ADGRL2: variants seen among roughly 807,000 people sequenced by gnomAD.
The protein encoded by ADGRL2 is adhesion G protein-coupled receptor L2, also known as calcium-independent alpha-latrotoxin receptor 2.
A neutral mutation model predicts 157.4 loss-of-function variants in ADGRL2; 44 were observed. The observed-to-expected ratio is 0.28, with a 90% confidence interval of 0.22 to 0.36. The LOEUF (loss-of-function observed/expected upper bound fraction) is 0.36. ADGRL2 is among the 10% of genes least tolerant of loss of function. The pLI, the probability that ADGRL2 is intolerant of heterozygous loss-of-function variation, is 1.00. For missense variants in ADGRL2, 1,510 were observed against 1,768.9 expected, an observed-to-expected ratio of 0.85 and a Z score of 2.63; for synonymous variants, 585 against 624.7, an observed-to-expected ratio of 0.94 and a Z score of 0.95.
At chr1:81,616,419 G>A (rs770691186) in intron 3 of ADGRL2, among the ~76,000 whole-genome samples, 4 of 152,144 alleles carry the variant, frequency 2.6e-5, no homozygotes, top group Non-Finnish European at 5.9e-5. Context: ...CTGGTCACTG[G>A]TTGCCTATTG....
chr1:81,308,828 T>C (rs12123474), intron 1 of ADGRL2, among the ~76,000 whole-genome samples: 31,513 of 152,136 alleles, frequency 0.21, 4,096 homozygotes, highest in Middle Eastern at 0.34. Flanking sequence ...TCAACTCCCT[T>C]GGGTTTCTTT....
At chr1:81,924,792 T>A (rs1310437172) in intron 3 of ADGRL2, among the ~76,000 whole-genome samples, 1 of 152,070 alleles carries the variant, frequency 6.6e-6, no homozygotes, top group Non-Finnish European at 1.5e-5. Flanking sequence ...CTATTTCTAA[T>A]CCATTCTATT....
intron 2 of ADGRL2, among the ~76,000 whole-genome samples, chr1:81,769,145 G>GT (rs943381022): frequency 1.3e-5 from 2 of 152,084 alleles, no homozygotes; most frequent in Admixed American, 6.6e-5. Flanking sequence ...CTAATCTACT[G>GT]TTTTTTATTT....
intron 21 of ADGRL2, 104 bp from the exon 22 acceptor site, chr1:81,986,797 C>A (rs543481236): frequency 8.6e-7 from 1 of 1,156,382 alleles, no homozygotes; most frequent in Non-Finnish European, 1.2e-6. Context: ...TTGTCCACTA[C>A]CCTTGATGAA....
At chr1:81,772,249 CA>C (rs769058340) in intron 2 of ADGRL2, among the ~76,000 whole-genome samples, 1,169 of 95,104 alleles carry the variant, frequency 0.012, 2 homozygotes, top group African/African-American at 0.018. Context: ...GACTCTATCT[CA>C]AAAAAAAAAA....
intron 1 of ADGRL2, among the ~76,000 whole-genome samples, chr1:81,752,678 C>T (rs1488466598): frequency 6.6e-6 from 1 of 152,104 alleles, no homozygotes; most frequent in African/African-American, 2.4e-5. Context: ...TCCTGGCCAC[C>T]ACACCTGGCT....
chr1:81,308,265 C>T (rs958186152), intron 1 of ADGRL2, among the ~76,000 whole-genome samples: 1 of 152,016 alleles, frequency 6.6e-6, no homozygotes, highest in Admixed American at 6.5e-5. Flanking sequence ...TGTAGTTGTC[C>T]GTGAATATCT....
chr1:81,952,162 T>A lies in ADGRL2; in HGVS notation c.1794+20T>A. 1 of 1,570,318 alleles carries A rather than the reference T, an allele frequency of 6.4e-7. No individual in the cohort carries two copies. The highest frequency in any genetic ancestry group is 8.7e-7 in the Non-Finnish European group (1 of 1,153,284). On this transcript the variant is annotated intron_variant, in intron 9 of 23. Transcript: ENST00000686636. ...AACAAGGTAGAGAGAACTCTTCTGT[T>A]ATTTTGAATTAGACACTTGGTATGG...
At chr1:81,761,803 C>G (rs2085890957) in intron 1 of ADGRL2, 1 of 151,944 alleles carries the variant, frequency 6.6e-6, no homozygotes, top group Non-Finnish European at 1.5e-5. Context: ...ATTTTCTTTA[C>G]TTTCCAGGGT....
In ADGRL2 at chr1:81,950,464, T is replaced by C; in HGVS notation, c.1486T>C (p.Cys496Arg). Residue 496 changes from cysteine (C) to arginine (R), a missense_variant, in exon 7 of 24, where the codon TGC (cysteine) becomes CGC (arginine). By Grantham distance (180) the Cys-to-Arg change is radical. Transcript: ENST00000686636. ...AAGGGGAATGATGGTTGAACGACCA[T>C]GCCCTAAGGGAACAAGAGGTATTTT... Reference protein sequence around the residue: ...TQRGMMVERPCPKGTRGTASY... With the variant: ...TQRGMMVERPRPKGTRGTASY... 6.2e-7 allele frequency: 1 copy of C among 1,613,648 alleles called. No homozygotes were observed. Among genetic ancestry groups the C allele is most frequent in the Non-Finnish European group, 8.5e-7 (1 of 1,179,740 alleles).
intron 2 of ADGRL2, among the ~76,000 whole-genome samples, chr1:81,461,850 T>A (rs572352478): frequency 1.3e-3 from 180 of 134,210 alleles, no homozygotes; most frequent in African/African-American, 4.9e-3. Context: ...GAAACAAATT[T>A]AAAACCTGCC....
At chr1:81,464,391 T>C (rs1404869876) in intron 2 of ADGRL2, among the ~76,000 whole-genome samples, 2 of 151,934 alleles carry the variant, frequency 1.3e-5, no homozygotes, top group Admixed American at 1.3e-4. Context: ...TCAGTTTGCT[T>C]AGGTTCATTT....
rs187366441 is a variant in ADGRL2 at position 81,321,771 on chromosome 1, C to T, written c.-302+15262C>T. 7.2e-4 allele frequency among the ~76,000 whole-genome samples: 108 copies of T among 150,544 alleles called. 1 individual carries two copies. The highest frequency in any genetic ancestry group is 2.4e-3 in the African/African-American group (98 of 40,904). On this transcript the variant is annotated intron_variant, in intron 1 of 24. Transcript: ENST00000370721. ...CACAGATATAATAAAAATGAAAAAG[C>T]GTGAAATATTGTGAGAATTACCAAA...
intron 1 of ADGRL2, among the ~76,000 whole-genome samples, chr1:81,383,759 T>C (rs917462946): frequency 4.2e-5 from 6 of 144,048 alleles, no homozygotes; most frequent in African/African-American, 1.5e-4. Flanking sequence ...GGTCAGGAGA[T>C]TGAGACCATC....
chr1:81,787,831 G>A (rs2087131178), intron 2 of ADGRL2, among the ~76,000 whole-genome samples: 1 of 152,094 alleles, frequency 6.6e-6, no homozygotes, highest in South Asian at 2.1e-4. Context: ...GAACACAAAT[G>A]AGGTAATACA....
At chr1:81,503,610 TC>T in intron 2 of ADGRL2, 3 of 894,488 alleles carry the variant, frequency 3.4e-6, no homozygotes, top group Non-Finnish European at 5.0e-6. Context: ...TGTCCGTCTG[TC>T]CAGGCTCCAT....
rs78156588 is a variant in ADGRL2 at position 81,590,341 on chromosome 1, A to G, written c.-143+9361A>G. Among the ~76,000 whole-genome samples the G allele has an allele frequency of 7.0e-4, 107 of 152,178 alleles. 3 individuals carry two copies. In the East Asian group the frequency reaches 0.019, roughly 28 times the overall value. ...CAATACCCTTGTTGGTGACTCATCT[A>G]TCTTGCCCTTTCACATAGTAACCAT... is the stretch of plus-strand genomic sequence containing the variant. On this transcript the variant is annotated intron_variant, in intron 3 of 24. Coordinates refer to the ADGRL2 transcript ENST00000370721.
intron 1 of ADGRL2, among the ~76,000 whole-genome samples, chr1:81,336,250 A>G (rs1174774352): frequency 6.6e-6 from 1 of 152,166 alleles, no homozygotes; most frequent in East Asian, 1.9e-4. Flanking sequence ...AGCTATAATA[A>G]TGCTTCTTTT....
At chr1:81,347,594 A>G (rs12747658) in intron 1 of ADGRL2, among the ~76,000 whole-genome samples, 1 of 152,102 alleles carries the variant, frequency 6.6e-6, no homozygotes, top group South Asian at 2.1e-4. Flanking sequence ...AGGATGCAGC[A>G]TGGGTCCTCC....
Sources: gnomAD v4.1 joint callset for allele counts (sites outside exome capture counted in the v4.1 genomes callset) on GRCh38, gnomAD v4.1.1 for gene constraint, MANE v1.5 for transcripts, NCBI Gene and HGNC (gene_info 2026-07-23, HGNC 2026-07-21) for gene names.